FUT9: variants seen among roughly 807,000 people sequenced by gnomAD.
FUT9 encodes the protein 4-galactosyl-N-acetylglucosaminide 3-alpha-L-fucosyltransferase 9.
In FUT9, 15 loss-of-function variants were observed where a neutral mutation model predicts 29.7. The ratio of observed to expected loss-of-function variants is 0.51; its 90% CI spans 0.34 to 0.78. The LOEUF (loss-of-function observed/expected upper bound fraction) is 0.78. FUT9 is among the 30% of genes least tolerant of loss of function. The pLI, the probability that FUT9 is intolerant of heterozygous loss-of-function variation, is 0.01. For synonymous variants in FUT9, 169 were observed against 153.7 expected (o/e 1.10, Z -0.74); for missense variants, 319 against 425.4 (o/e 0.75, Z 2.20).
chr6:96,024,268 A>T (rs1055674530), intron 1 of FUT9, among the ~76,000 whole-genome samples: 4 of 151,812 alleles, frequency 2.6e-5, no homozygotes, highest in Non-Finnish European at 5.9e-5. Flanking sequence ...TGCATATGTC[A>T]TTTGATACCC....
chr6:96,030,902 CAT>C (rs1215375167), intron 1 of FUT9, among the ~76,000 whole-genome samples: 1 of 151,238 alleles, frequency 6.6e-6, no homozygotes, highest in African/African-American at 2.4e-5. Context: ...GAACAGAAAA[CAT>C]ATCAGTGGTT....
chr6:96,140,234 T>A (rs747715347), intron 2 of FUT9, among the ~76,000 whole-genome samples: 2 of 152,220 alleles, frequency 1.3e-5, no homozygotes, highest in African/African-American at 4.8e-5. Flanking sequence ...CACCGCAGCC[T>A]GGACTTTACT....
intron 2 of FUT9, among the ~76,000 whole-genome samples, chr6:96,177,423 G>C (rs1270156575): frequency 6.6e-6 from 1 of 151,882 alleles, no homozygotes; most frequent in Non-Finnish European, 1.5e-5. Context: ...CTCCTAGATA[G>C]GTATTGTTAT....
At chr6:96,080,143 G>A (rs1481540284) in intron 1 of FUT9, among the ~76,000 whole-genome samples, 1 of 151,664 alleles carries the variant, frequency 6.6e-6, no homozygotes, top group Non-Finnish European at 1.5e-5. Context: ...CATCAAACCA[G>A]TATTCAACAT....
intron 2 of FUT9, among the ~76,000 whole-genome samples, chr6:96,192,821 A>C: frequency 6.6e-6 from 1 of 152,148 alleles, no homozygotes; most frequent in East Asian, 1.9e-4. Context: ...GGCTACAGTA[A>C]ACAAAACAGC....
In FUT9 at chr6:96,205,848, G is replaced by A. The variant is rs978093765; in HGVS notation, c.*1613G>A. 1.2e-5 allele frequency: 2 copies of A among 166,956 alleles called. No homozygotes were observed. Among genetic ancestry groups the A allele is most frequent in the Admixed American group, 6.5e-5 (1 of 15,278 alleles). The allele number at this position is 166,956 out of a possible 1,614,324, so 10.3% of individuals were successfully genotyped here. A position where few individuals can be genotyped will look rare whatever the true frequency, so the allele number is the denominator to read the frequency against. ...AAAAGGGCATAGATCCAGCTATCCAGACTATCTTGTGAGAGAATAAGCTCA... is the reference window on the plus strand; with the variant it reads ...AAAAGGGCATAGATCCAGCTATCCAAACTATCTTGTGAGAGAATAAGCTCA... On this transcript the variant is annotated 3_prime_UTR_variant, in exon 3 of 3. Coordinates refer to ENST00000302103, the MANE Select transcript of FUT9 (RefSeq NM_006581.4).
chr6:96,160,940 T>C (rs1029786563), intron 2 of FUT9, among the ~76,000 whole-genome samples: 5 of 152,152 alleles, frequency 3.3e-5, no homozygotes, highest in Non-Finnish European at 4.4e-5. Context: ...CAATATTCTG[T>C]TTTTAAACTA....
At chr6:96,164,250 G>GTTT (rs372685063) in intron 2 of FUT9, among the ~76,000 whole-genome samples, 9 of 69,364 alleles carry the variant, frequency 1.3e-4, no homozygotes, top group African/African-American at 3.2e-4. Flanking sequence ...GGAGATCCAG[G>GTTT]TTCTTTTTTT....
chr6:96,153,850 C>T (rs1772727524), intron 2 of FUT9, among the ~76,000 whole-genome samples: 1 of 152,102 alleles, frequency 6.6e-6, no homozygotes. Flanking sequence ...TTTTAATTTC[C>T]TGCCCCTTTC....
At chr6:96,102,499 G>A (rs76057836) in intron 1 of FUT9, among the ~76,000 whole-genome samples, 2,356 of 152,042 alleles carry the variant, frequency 0.015, 46 homozygotes, top group South Asian at 0.1. Flanking sequence ...TTCATGTCAG[G>A]TGCTTCTCTA....
intron 2 of FUT9, among the ~76,000 whole-genome samples, chr6:96,143,991 TC>T (rs1340094949): frequency 6.6e-6 from 1 of 152,168 alleles, no homozygotes; most frequent in Non-Finnish European, 1.5e-5. Flanking sequence ...AGATAAGTCT[TC>T]CCAGATAAAA....
At chr6:96,035,696 CT>C (rs1335797976) in intron 1 of FUT9, among the ~76,000 whole-genome samples, 9 of 132,886 alleles carry the variant, frequency 6.8e-5, no homozygotes, top group Admixed American at 3.2e-4. Flanking sequence ...ATTTATTATA[CT>C]AATAAATATA....
intron 1 of FUT9, among the ~76,000 whole-genome samples, chr6:96,111,241 A>G (rs1474465397): frequency 2.6e-5 from 4 of 152,094 alleles, no homozygotes; most frequent in African/African-American, 9.7e-5. Context: ...ACAGAAATTG[A>G]GTGTCTCTTT....
chr6:96,054,387 T>C (rs569173894), intron 1 of FUT9, among the ~76,000 whole-genome samples: 1 of 152,348 alleles, frequency 6.6e-6, no homozygotes, highest in East Asian at 1.9e-4. Flanking sequence ...TAATGTGAAA[T>C]ATGCTCTATA....
intron 2 of FUT9, among the ~76,000 whole-genome samples, chr6:96,135,661 G>T (rs2127971060): frequency 6.6e-6 from 1 of 151,948 alleles, no homozygotes; most frequent in African/African-American, 2.4e-5. Flanking sequence ...AAAGAAGTGG[G>T]AGGGGAGTTG....
intron 1 of FUT9, among the ~76,000 whole-genome samples, chr6:96,103,101 C>T (rs950215457): frequency 6.6e-6 from 1 of 152,046 alleles, no homozygotes; most frequent in African/African-American, 2.4e-5. Context: ...AAGGAATGGC[C>T]AAATGCTTGA....
chr6:96,163,382 T>C (rs1253387516), intron 2 of FUT9, among the ~76,000 whole-genome samples: 1 of 152,046 alleles, frequency 6.6e-6, no homozygotes, highest in Non-Finnish European at 1.5e-5. Context: ...ATTTGAGTTA[T>C]TGCGGATGAA....
intron 1 of FUT9, among the ~76,000 whole-genome samples, chr6:96,095,475 T>C (rs530055836): frequency 1.3e-5 from 2 of 152,248 alleles, no homozygotes; most frequent in East Asian, 3.9e-4. Flanking sequence ...CAACAGCTGC[T>C]ACATTAATGA....
At chr6:96,195,351 G>A (rs796688785) in intron 2 of FUT9, among the ~76,000 whole-genome samples, 128 of 152,226 alleles carry the variant, frequency 8.4e-4, no homozygotes, top group African/African-American at 2.8e-3. Flanking sequence ...CTTCCTCAGG[G>A]CTTGAGGAAA....
Sources: gnomAD v4.1 joint callset for allele counts (sites outside exome capture counted in the v4.1 genomes callset) on GRCh38, gnomAD v4.1.1 for gene constraint, MANE v1.5 for transcripts, NCBI Gene and HGNC (gene_info 2026-07-23, HGNC 2026-07-21) for gene names.